The following C12orf75 variants were observed in gnomAD, a reference collection of about 807,000 sequenced individuals.
C12orf75 encodes the protein chromosome 12 open reading frame 75, also known as overexpressed in colon carcinoma 1 protein.
A neutral mutation model predicts 11.4 loss-of-function variants in C12orf75; 4 were observed. The observed-to-expected ratio is 0.35, with a 90% CI of 0.17 to 0.80. The LOEUF (loss-of-function observed/expected upper bound fraction) is 0.80, where lower values mean the gene tolerates loss of function less well. Among genes scored for constraint, C12orf75 ranks in the 30% least tolerant of loss-of-function variants. C12orf75 has a pLI of 0.52. For missense variants in C12orf75, 89 were observed against 80.4 expected, an observed-to-expected ratio of 1.11 and a Z score of -0.41; for synonymous variants, 30 against 30.0, an observed-to-expected ratio of 1.00 and a Z score of 0.00.
At chr12:105,334,034 G>A (rs186635150) in intron 1 of C12orf75, among the ~76,000 whole-genome samples, 165 of 152,296 alleles carry the variant, frequency 1.1e-3, no homozygotes, top group African/African-American at 3.8e-3. Flanking sequence ...ATGCAGTAGT[G>A]TACTTGAGTT....
At chr12:105,342,820 ATATCT>A (rs1258861930) in intron 1 of C12orf75, among the ~76,000 whole-genome samples, 1 of 152,226 alleles carries the variant, frequency 6.6e-6, no homozygotes, top group Admixed American at 6.5e-5. Flanking sequence ...CAAAGACCAA[ATATCT>A]TATGATGAAA....
intron 2 of C12orf75, among the ~76,000 whole-genome samples, chr12:105,358,074 CT>C (rs747147832): frequency 2.6e-4 from 39 of 152,186 alleles, no homozygotes; most frequent in Admixed American, 5.2e-4. Context: ...TCTTGAACTC[CT>C]GGGCTCAAGA....
intron 1 of C12orf75, among the ~76,000 whole-genome samples, chr12:105,336,031 G>A (rs2136139899): frequency 6.6e-6 from 1 of 152,356 alleles, no homozygotes; most frequent in South Asian, 2.1e-4. Context: ...TTGAAGAATA[G>A]CGTGGAGGAA....
intron 1 of C12orf75, among the ~76,000 whole-genome samples, chr12:105,340,344 C>T (rs559607336): frequency 6.7e-6 from 1 of 149,900 alleles, no homozygotes; most frequent in South Asian, 2.1e-4. Context: ...AGAATCGCTT[C>T]GACCTGGGAG....
intron 1 of C12orf75, among the ~76,000 whole-genome samples, chr12:105,333,169 C>A (rs1434330862): frequency 1.3e-5 from 2 of 152,318 alleles, no homozygotes; most frequent in African/African-American, 4.8e-5. Flanking sequence ...TTGGAGAAGC[C>A]ATTCCCAAAC....
intron 1 of C12orf75, among the ~76,000 whole-genome samples, chr12:105,342,541 C>G (rs1388645288): frequency 1.3e-5 from 2 of 152,158 alleles, no homozygotes; most frequent in African/African-American, 4.8e-5. Flanking sequence ...CAAAAAGGAC[C>G]AAGACACAAG....
intron 1 of C12orf75, among the ~76,000 whole-genome samples, chr12:105,332,264 A>G (rs1892439305): frequency 6.6e-6 from 1 of 152,204 alleles, no homozygotes; most frequent in African/African-American, 2.4e-5. Context: ...CTGCATGTGT[A>G]GCCTACTTAA....
At chr12:105,336,648 G>A (rs1324005136) in intron 1 of C12orf75, among the ~76,000 whole-genome samples, 2 of 152,206 alleles carry the variant, frequency 1.3e-5, no homozygotes, top group Non-Finnish European at 2.9e-5. Flanking sequence ...GCCCTGAGGG[G>A]TAGAAGCGTT....
chr12:105,362,317 G>A (rs1282259967), intron 2 of C12orf75, among the ~76,000 whole-genome samples: 9 of 144,862 alleles, frequency 6.2e-5, no homozygotes, highest in African/African-American at 2.3e-4. Context: ...CCCGGGAGGC[G>A]GAGCTTGCAG....
chr12:105,343,202 A>T (rs1892594568), intron 1 of C12orf75, among the ~76,000 whole-genome samples: 2 of 152,152 alleles, frequency 1.3e-5, no homozygotes. Flanking sequence ...CCAAATTATA[A>T]TAGTCTCTCT....
chr12:105,366,452 TA>T, intron 3 of C12orf75, 164 bp from the exon 4 acceptor site: 1 of 405,540 alleles, frequency 2.5e-6, no homozygotes, highest in Non-Finnish European at 4.3e-6. Context: ...CTTTTTAACC[TA>T]GGAAACCAAT....
At position 105,340,805 on chromosome 12, in the gene C12orf75, T is replaced by C. The variant is rs117276530; in HGVS notation, c.47-7797T>C. 2.0e-3 allele frequency among the ~76,000 whole-genome samples: 298 copies of C among 152,010 alleles called. 8 individuals carry two copies. The East Asian group carries it at 0.049, about 25-fold the overall frequency. The stretch of plus-strand genomic sequence containing the variant: ...CTCTAAATCCAATGAGAAGGGTGTT[T>C]ATGAGAGACACAAGATGAGAAGACG... On this transcript the variant is annotated intron_variant, in intron 1 of 5. Transcript: ENST00000443585.
intron 2 of C12orf75, among the ~76,000 whole-genome samples, chr12:105,357,788 G>GTGTGTGTA (rs1892803412): frequency 6.9e-6 from 1 of 145,168 alleles, no homozygotes; most frequent in African/African-American, 2.6e-5. Flanking sequence ...CTGTGTGTGT[G>GTGTGTGTA]TGTGTGTGTG....
At chr12:105,343,163 AG>A (rs1421797142) in intron 1 of C12orf75, among the ~76,000 whole-genome samples, 1 of 152,250 alleles carries the variant, frequency 6.6e-6, no homozygotes, top group Non-Finnish European at 1.5e-5. Context: ...TTTGGGAAAT[AG>A]TCATTAAATC....
intron 4 of C12orf75, 98 bp downstream of exon 4, chr12:105,366,794 T>A: frequency 1.1e-5 from 8 of 737,132 alleles, no homozygotes; most frequent in Non-Finnish European, 1.9e-5. Flanking sequence ...CGACTCAACC[T>A]ATGTATTGGT....
chr12:105,337,040 C>T (rs190678084), intron 1 of C12orf75, among the ~76,000 whole-genome samples: 199 of 152,164 alleles, frequency 1.3e-3, no homozygotes, highest in African/African-American at 4.4e-3. Flanking sequence ...AAAACCAGCA[C>T]GGGCCGGGCA....
At chr12:105,368,559 A>G (rs1871548077) in intron 5 of C12orf75, among the ~76,000 whole-genome samples, 1 of 152,170 alleles carries the variant, frequency 6.6e-6, no homozygotes, top group African/African-American at 2.4e-5. Context: ...TCACCACCAT[A>G]CTATTAATTT....
At chr12:105,338,252 G>A (rs1892520387) in intron 1 of C12orf75, among the ~76,000 whole-genome samples, 1 of 152,096 alleles carries the variant, frequency 6.6e-6, no homozygotes, top group African/African-American at 2.4e-5. Context: ...TCGGCTCAGT[G>A]CAACCTCCAC....
rs771376717 is a variant in C12orf75 at position 105,345,659 on chromosome 12, C to CTTTTTTTTTTTTTTT, written c.47-2937_47-2923dup. On this transcript the variant is annotated intron_variant, in intron 1 of 5. Transcript: ENST00000443585. ...TCCTGATCTTGAATTAGTGTCTGGC[C>CTTTTTTTTTTTTTTT]TTTTTTTTTTTTTTTTTTTTGAGAC... Among the ~76,000 whole-genome samples the CTTTTTTTTTTTTTTT allele has an allele frequency of 1.1e-4, 8 of 73,498 alleles. 1 individual carries two copies. The highest frequency in any genetic ancestry group is 1.7e-4 in the African/African-American group (3 of 17,780). 48.2% of individuals were successfully genotyped at this position (73,498 alleles called of 152,430 possible). A position where few individuals can be genotyped will look rare whatever the true frequency, so the allele number is the denominator to read the frequency against.
Sources: allele counts gnomAD v4.1 joint callset (sites outside exome capture counted in the v4.1 genomes callset), GRCh38; gene constraint gnomAD v4.1.1; transcripts MANE v1.5; gene names NCBI Gene and HGNC (gene_info 2026-07-23, HGNC 2026-07-21).